Variants in LEPR observed in about 807,000 individuals in gnomAD.
LEPR encodes OB receptor.
A neutral mutation model predicts 114.7 loss-of-function variants in LEPR; 56 were observed. The ratio of observed to expected loss-of-function variants is 0.49; its 90% CI spans 0.39 to 0.61. The LOEUF (loss-of-function observed/expected upper bound fraction) is 0.61. Among genes scored for constraint, LEPR ranks in the 20% least tolerant of loss-of-function variants. The probability of loss-of-function intolerance (pLI) is 0.00; values close to 1 mark genes in which losing one functional copy is unlikely to be tolerated. For missense variants in LEPR, 1,202 were observed against 1,352.9 expected (o/e 0.89, Z 1.75); for synonymous variants, 443 against 461.4 (o/e 0.96, Z 0.51).
chr1:65,603,203 T>C (rs200423672), intron 10 of LEPR, among the ~76,000 whole-genome samples: 2 of 152,180 alleles, frequency 1.3e-5, no homozygotes, highest in East Asian at 1.9e-4. Flanking sequence ...TTGTAAATAT[T>C]CAATATATGG....
chr1:65,455,491 C>T (rs1646856787), intron 2 of LEPR, among the ~76,000 whole-genome samples: 1 of 152,172 alleles, frequency 6.6e-6, no homozygotes, highest in Non-Finnish European at 1.5e-5. Context: ...TGTTAGTTTT[C>T]CTTCTAACAG....
At chr1:65,425,045 CT>C (rs761851017) in intron 1 of LEPR, among the ~76,000 whole-genome samples, 1 of 151,964 alleles carries the variant, frequency 6.6e-6, no homozygotes, top group African/African-American at 2.4e-5. Flanking sequence ...TTTTTTCTTT[CT>C]TTTTTATTTT....
In LEPR at chr1:65,638,496, A is replaced by G. The variant is rs1174818286; in HGVS notation, c.*1481A>G. 1 of 152,178 alleles carries G rather than the reference A, an allele frequency of 6.6e-6. No homozygotes were observed. Among genetic ancestry groups the G allele is most frequent in the Non-Finnish European group, 1.5e-5 (1 of 68,030 alleles). 9.4% of individuals were successfully genotyped at this position (152,178 alleles called of 1,614,324 possible). ...TACTTTAGTGTTCAAAAATATGCCTATGGGTTTTTAAAAATTATCAGAATT... is the reference window on the plus strand; with the variant it reads ...TACTTTAGTGTTCAAAAATATGCCTGTGGGTTTTTAAAAATTATCAGAATT... On this transcript the variant is annotated 3_prime_UTR_variant, in exon 20 of 20. Transcript: ENST00000349533.
intron 2 of LEPR, among the ~76,000 whole-genome samples, chr1:65,507,540 T>TATAC (rs1249608883): frequency 6.8e-6 from 1 of 146,550 alleles, no homozygotes; most frequent in Non-Finnish European, 1.5e-5. Flanking sequence ...TATGTGTGTA[T>TATAC]ATATATATAT....
Position 65,561,531 on chromosome 1 carries a change from G to C in LEPR, c.-20-4015G>C. ...CCTGGATTCATTGATTTTTTGAAGG[G>C]TTTTTTGTGTCTCTATTTCCTTCAG... On this transcript the variant is annotated intron_variant, in intron 2 of 19. Transcript: ENST00000349533. 3.7e-5 allele frequency among the ~76,000 whole-genome samples: 2 copies of C among 53,896 alleles called. 1 individual carries two copies. The highest frequency in any genetic ancestry group is 7.4e-5 in the Non-Finnish European group (2 of 26,936). The allele number at this position is 53,896 out of a possible 152,430, so 35.4% of individuals were successfully genotyped here.
intron 2 of LEPR, among the ~76,000 whole-genome samples, chr1:65,437,567 C>A (rs1274750080): frequency 1.3e-5 from 2 of 151,852 alleles, no homozygotes; most frequent in Admixed American, 1.3e-4. Context: ...GAATCCTGAA[C>A]CCGAAAGGCG....
At chr1:65,480,461 C>T (rs1647211025) in intron 2 of LEPR, among the ~76,000 whole-genome samples, 1 of 152,120 alleles carries the variant, frequency 6.6e-6, no homozygotes, top group Non-Finnish European at 1.5e-5. Context: ...GGAGACAAAA[C>T]ACTCCCTATC....
chr1:65,553,191 G>A (rs978144620), intron 2 of LEPR, among the ~76,000 whole-genome samples: 4 of 152,076 alleles, frequency 2.6e-5, no homozygotes, highest in Non-Finnish European at 5.9e-5. Flanking sequence ...ACGATTATAT[G>A]TCTTCAGGTT....
intron 5 of LEPR, among the ~76,000 whole-genome samples, chr1:65,586,589 A>C (rs1250833437): frequency 6.6e-6 from 1 of 151,936 alleles, no homozygotes; most frequent in African/African-American, 2.4e-5. Context: ...GGGCACTGAA[A>C]TTTGAATTTC....
At chr1:65,484,733 A>G (rs762598173) in intron 2 of LEPR, among the ~76,000 whole-genome samples, 1 of 152,188 alleles carries the variant, frequency 6.6e-6, no homozygotes. Flanking sequence ...ACCCAAAGAG[A>G]TCATATTTTG....
intron 2 of LEPR, chr1:65,432,849 GTTAA>G (rs781047620): frequency 3.0e-5 from 20 of 662,214 alleles, no homozygotes; most frequent in Non-Finnish European, 3.7e-5. Context: ...GAGATCATAT[GTTAA>G]TTAGTGTAAT....
intron 19 of LEPR, chr1:65,635,403 C>G (rs1472091607): frequency 1.0e-6 from 1 of 979,920 alleles, no homozygotes; most frequent in Non-Finnish European, 1.2e-6. Context: ...GTGATATAAT[C>G]ACTTCTATAA....
chr1:65,596,105 CA>C (rs370834928), intron 6 of LEPR, among the ~76,000 whole-genome samples: 6 of 152,050 alleles, frequency 3.9e-5, no homozygotes, highest in African/African-American at 1.2e-4. Flanking sequence ...GGGTGAGGTT[CA>C]GGGGAGACTT....
intron 2 of LEPR, among the ~76,000 whole-genome samples, chr1:65,454,630 T>C (rs1646840792): frequency 6.6e-6 from 1 of 152,230 alleles, no homozygotes; most frequent in South Asian, 2.1e-4. Flanking sequence ...TTCTGGCTTG[T>C]AGGGTTTCTG....
intron 2 of LEPR, chr1:65,486,446 C>T (rs1193787267): frequency 6.6e-6 from 1 of 152,044 alleles, no homozygotes; most frequent in Non-Finnish European, 1.5e-5. Flanking sequence ...AAAATGTGAC[C>T]ATTAACTCTT....
At chr1:65,469,001 A>AATCT (rs1165241704) in intron 2 of LEPR, among the ~76,000 whole-genome samples, 2 of 152,324 alleles carry the variant, frequency 1.3e-5, no homozygotes, top group African/African-American at 4.8e-5. Context: ...AGAAGCTGAA[A>AATCT]ATCTAGATTT....
chr1:65,619,245 T>C (rs1027421139), intron 16 of LEPR, among the ~76,000 whole-genome samples: 6 of 152,228 alleles, frequency 3.9e-5, no homozygotes, highest in African/African-American at 1.2e-4. Context: ...AGGTAGTTTC[T>C]CTCTGTGCTT....
At chr1:65,425,227 C>T (rs560381139) in intron 1 of LEPR, 76 bp from the exon 2 acceptor site, 3 of 1,260,824 alleles carry the variant, frequency 2.4e-6, no homozygotes, top group African/African-American at 3.0e-5. Flanking sequence ...AGAAGTCACT[C>T]CCCATTTCCC....
intron 6 of LEPR, among the ~76,000 whole-genome samples, chr1:65,595,329 T>C (rs1004526342): frequency 9.2e-5 from 14 of 152,158 alleles, no homozygotes; most frequent in African/African-American, 3.4e-4. Flanking sequence ...GCCTCCCAAC[T>C]CCATTGTGTT....
Sources: allele counts gnomAD v4.1 joint callset (sites outside exome capture counted in the v4.1 genomes callset), GRCh38; gene constraint gnomAD v4.1.1; transcripts MANE v1.5; gene names NCBI Gene and HGNC (gene_info 2026-07-23, HGNC 2026-07-21).